Variants in IFT80 observed in about 807,000 individuals in gnomAD.
The protein encoded by IFT80 is intraflagellar transport 80, also known as intraflagellar transport protein 80 homolog.
IFT80 carries 79 observed loss-of-function variants against 107.9 expected under a neutral mutation model. The ratio of observed to expected loss-of-function variants is 0.73; its 90% confidence interval spans 0.61 to 0.88. The LOEUF (loss-of-function observed/expected upper bound fraction) is 0.88, where lower values mean the gene tolerates loss of function less well. IFT80 is among the 40% of genes least tolerant of loss of function. The pLI, the probability that IFT80 is intolerant of heterozygous loss-of-function variation, is 0.00. For synonymous variants in IFT80, 299 were observed against 300.9 expected, an observed-to-expected ratio of 0.99 and a Z score of 0.07; for missense variants, 797 against 914.2, an observed-to-expected ratio of 0.87 and a Z score of 1.65.
At position 160,257,387 on chromosome 3, in the gene IFT80, A is replaced by C. The variant is rs1426195133; in HGVS notation, c.*1138T>G. 1.3e-5 allele frequency: 2 copies of C among 152,128 alleles called. No homozygotes were observed. The highest frequency in any genetic ancestry group is 1.3e-4 in the Admixed American group (2 of 15,266). 9.4% of individuals were successfully genotyped at this position (152,128 alleles called of 1,614,324 possible). ...ACCATTTTCAGAAATGGGTTTGCAG[A>C]AGACTTTCTAAGGGGTATTTGTTTT... On this transcript the variant is annotated 3_prime_UTR_variant, in exon 20 of 20. Coordinates refer to ENST00000326448, the MANE Select transcript of IFT80 (RefSeq NM_020800.3).
chr3:160,302,099 G>A (rs1716475456), intron 11 of IFT80, among the ~76,000 whole-genome samples: 1 of 151,942 alleles, frequency 6.6e-6, no homozygotes, highest in Non-Finnish European at 1.5e-5. Flanking sequence ...CTATATTGGT[G>A]TGCCTGTTTC....
At chr3:160,330,579 C>T (rs1377555571) in intron 8 of IFT80, among the ~76,000 whole-genome samples, 1 of 152,050 alleles carries the variant, frequency 6.6e-6, no homozygotes, top group East Asian at 1.9e-4. Flanking sequence ...ATCAGAGTTA[C>T]CTAGGATTGT....
At chr3:160,343,671 G>C (rs563266651) in intron 8 of IFT80, 2 of 212,498 alleles carry the variant, frequency 9.4e-6, no homozygotes, top group Non-Finnish European at 1.9e-5. Flanking sequence ...TGTACAATTA[G>C]TTTCTATATT....
At chr3:160,292,119 A>G (rs1715606554) in intron 12 of IFT80, among the ~76,000 whole-genome samples, 1 of 152,222 alleles carries the variant, frequency 6.6e-6, no homozygotes, top group African/African-American at 2.4e-5. Context: ...TGGCTACAAA[A>G]GGGTCCTGAC....
In IFT80 at chr3:160,384,288, TA is replaced by T. The variant is rs1191217639; in HGVS notation, c.37+275del. On this transcript the variant is annotated intron_variant, in intron 2 of 19. Coordinates refer to ENST00000326448, the MANE Select transcript of IFT80 (RefSeq NM_020800.3). The stretch of plus-strand genomic sequence containing the variant: ...GCTTCTTTTTAAGATCCTACTAAAG[TA>T]AACAAAAACTGCTTTTTAAGTATTT... The T allele has an allele frequency of 7.7e-6, 5 of 651,932 alleles. No individual in the cohort carries two copies. In the African/African-American group the frequency reaches 9.9e-5, roughly 13 times the overall value. 40.4% of individuals were successfully genotyped at this position (651,932 alleles called of 1,614,324 possible).
At chr3:160,275,329 G>T (rs547730289) in intron 18 of IFT80, among the ~76,000 whole-genome samples, 2 of 152,224 alleles carry the variant, frequency 1.3e-5, no homozygotes, top group East Asian at 3.9e-4. Context: ...AAGGAGGAAT[G>T]CTGCAAAATG....
chr3:160,357,342 A>C, intron 7 of IFT80, 147 bp downstream of exon 7: 1 of 563,938 alleles, frequency 1.8e-6, no homozygotes. Context: ...CATGCTTTAA[A>C]ATACCACTTA....
intron 3 of IFT80, among the ~76,000 whole-genome samples, chr3:160,378,419 T>C (rs1559969714): frequency 6.6e-6 from 1 of 152,116 alleles, no homozygotes; most frequent in African/African-American, 2.4e-5. Context: ...TCACAGTTCT[T>C]AGCTCTGTCC....
intron 8 of IFT80, among the ~76,000 whole-genome samples, chr3:160,344,010 A>C (rs1445735077): frequency 6.6e-6 from 1 of 152,172 alleles, no homozygotes; most frequent in Admixed American, 6.5e-5. Flanking sequence ...AAAGCTCTTG[A>C]CAGATTTTAC....
intron 8 of IFT80, among the ~76,000 whole-genome samples, chr3:160,346,897 T>A (rs1720333010): frequency 6.6e-6 from 1 of 152,130 alleles, no homozygotes; most frequent in Non-Finnish European, 1.5e-5. Context: ...CATCCTCTGG[T>A]CTTTTCTGAG....
At chr3:160,323,069 T>G (rs1473648222) in intron 8 of IFT80, among the ~76,000 whole-genome samples, 5 of 151,384 alleles carry the variant, frequency 3.3e-5, no homozygotes, top group Admixed American at 6.6e-5. Flanking sequence ...TTTTGGCTTT[T>G]GTTGCCATTG....
intron 8 of IFT80, among the ~76,000 whole-genome samples, chr3:160,345,365 T>C (rs1200185869): frequency 6.6e-6 from 1 of 152,186 alleles, no homozygotes; most frequent in African/African-American, 2.4e-5. Flanking sequence ...TTCTCACTTA[T>C]TTGTGGGATT....
chr3:160,268,622 A>G (rs1713543092), intron 18 of IFT80, 86 bp from the exon 19 acceptor site: 3 of 1,262,542 alleles, frequency 2.4e-6, no homozygotes, highest in Non-Finnish European at 1.2e-6. Flanking sequence ...GATAAGACAA[A>G]TGGCTCTTCC....
chr3:160,385,099 G>C (rs1712821799), intron 1 of IFT80, among the ~76,000 whole-genome samples: 1 of 152,224 alleles, frequency 6.6e-6, no homozygotes, highest in Non-Finnish European at 1.5e-5. Flanking sequence ...ATCTGGGGTT[G>C]ACATTCTGCA....
rs142590447 is a variant in IFT80 at position 160,396,032 on chromosome 3, G to A, written c.-47+3114C>T. Among the ~76,000 whole-genome samples the A allele has an allele frequency of 2.7e-3, 407 of 151,996 alleles. 4 individuals are homozygous for A. Among genetic ancestry groups the A allele is most frequent in the African/African-American group, 8.7e-3 (360 of 41,452 alleles). Reference sequence around the variant, plus strand: ...TTTTAGTGATCCAGTTATTCTTACAGCACTACCCATTTTATTTTCTCTCTT... The same window carrying A: ...TTTTAGTGATCCAGTTATTCTTACAACACTACCCATTTTATTTTCTCTCTT... On this transcript the variant is annotated intron_variant, in intron 1 of 19. Coordinates refer to ENST00000326448, the MANE Select transcript of IFT80 (RefSeq NM_020800.3).
intron 8 of IFT80, among the ~76,000 whole-genome samples, chr3:160,351,568 TAC>T (rs1176275909): frequency 1.4e-5 from 2 of 141,350 alleles, no homozygotes; most frequent in Admixed American, 1.4e-4. Context: ...TATATATATA[TAC>T]ACACATATAT....
Position 160,321,753 on chromosome 3 carries a change from A to C in IFT80, c.778-1814T>G, listed in dbSNP as rs140579022. Among the ~76,000 whole-genome samples, 24 of 152,104 alleles carry C rather than the reference A, an allele frequency of 1.6e-4. No homozygotes were observed. In the East Asian group the frequency reaches 4.6e-3, roughly 29 times the overall value. On this transcript the variant is annotated intron_variant, in intron 8 of 19. Coordinates refer to ENST00000326448, the MANE Select transcript of IFT80 (RefSeq NM_020800.3). ...GACTGCAGTTGACAGAGGGTAACTGAACTCACAGAAAGAGAAACTGTGAAA... is the reference window on the plus strand; with the variant it reads ...GACTGCAGTTGACAGAGGGTAACTGCACTCACAGAAAGAGAAACTGTGAAA...
chr3:160,276,132 T>C (rs1376618702), intron 18 of IFT80, among the ~76,000 whole-genome samples: 2 of 152,092 alleles, frequency 1.3e-5, no homozygotes, highest in African/African-American at 2.4e-5. Context: ...CCTCCCGAAG[T>C]GTTGGGATTA....
chr3:160,386,355 G>A (rs533059436), intron 1 of IFT80, among the ~76,000 whole-genome samples: 116 of 152,262 alleles, frequency 7.6e-4, no homozygotes, highest in Non-Finnish European at 1.1e-3. Flanking sequence ...CTGCCTGAAC[G>A]CTGCATTGAG....
Sources: allele counts gnomAD v4.1 joint callset (sites outside exome capture counted in the v4.1 genomes callset), GRCh38; gene constraint gnomAD v4.1.1; transcripts MANE v1.5; gene names NCBI Gene and HGNC (gene_info 2026-07-23, HGNC 2026-07-21).